Variants in LRP6 observed in about 807,000 individuals in gnomAD.
LRP6 encodes low-density lipoprotein receptor-related protein 6.
A neutral mutation model predicts 184.1 loss-of-function variants in LRP6; 43 were observed. The ratio of observed to expected loss-of-function variants is 0.23; its 90% CI spans 0.18 to 0.30. LRP6 has a LOEUF of 0.30. LRP6 is among the 10% of genes least tolerant of loss of function. The pLI is 1.00. For synonymous variants in LRP6, 719 were observed against 684.9 expected, an observed-to-expected ratio of 1.05 and a Z score of -0.78; for missense variants, 1,571 against 2,005.3, an observed-to-expected ratio of 0.78 and a Z score of 4.14.
At chr12:12,151,115 T>C in intron 12 of LRP6, 77 bp from the exon 13 acceptor site, 2 of 1,236,178 alleles carry the variant, frequency 1.6e-6, no homozygotes, top group Middle Eastern at 2.2e-4. Context: ...GATCAGCCTG[T>C]TGTATGTATT....
chr12:12,250,875 GC>G (rs1290396899), intron 1 of LRP6, among the ~76,000 whole-genome samples: 4 of 151,700 alleles, frequency 2.6e-5, no homozygotes, highest in Non-Finnish European at 5.9e-5. Flanking sequence ...ACCCACCTCA[GC>G]CTCCCAATGT....
chr12:12,140,983 T>C (rs1949926264), intron 15 of LRP6, among the ~76,000 whole-genome samples: 1 of 152,242 alleles, frequency 6.6e-6, no homozygotes, highest in Non-Finnish European at 1.5e-5. Context: ...TGCTAAATTT[T>C]ATTTATTCCA....
intron 2 of LRP6, among the ~76,000 whole-genome samples, chr12:12,230,587 A>C (rs1864758099): frequency 6.6e-6 from 1 of 152,184 alleles, no homozygotes; most frequent in East Asian, 1.9e-4. Context: ...TCCTATCCAT[A>C]ATTAAAATAA....
At position 12,226,797 on chromosome 12, in the gene LRP6, C is replaced by T. The variant is rs1005546237; in HGVS notation, c.449+17465G>A. 2.6e-5 allele frequency: 4 copies of T among 151,956 alleles called. No homozygotes were observed. In the South Asian group the frequency reaches 8.3e-4, roughly 31 times the overall value. 9.4% of individuals were successfully genotyped at this position (151,956 alleles called of 1,614,324 possible). A position where few individuals can be genotyped will look rare whatever the true frequency, so the allele number is the denominator to read the frequency against. On this transcript the variant is annotated intron_variant, in intron 2 of 22. Transcript: ENST00000261349. ...TTTTTATAATATATATTTTTAAAAA[C>T]AATAAGAACTGTGGGACAATTATTA... is the stretch of plus-strand genomic sequence containing the variant.
At chr12:12,145,533 TC>T (rs1268510711) in intron 15 of LRP6, among the ~76,000 whole-genome samples, 91 of 53,768 alleles carry the variant, frequency 1.7e-3, no homozygotes, top group African/African-American at 6.4e-3. Context: ...CCTCCCTCCC[TC>T]CCCCTTCTCT....
At chr12:12,155,402 T>C (rs1439050219) in intron 12 of LRP6, 4 of 823,540 alleles carry the variant, frequency 4.9e-6, no homozygotes, top group Non-Finnish European at 8.5e-6. Flanking sequence ...GAATGGGTAC[T>C]GTTCAAAAGG....
intron 1 of LRP6, among the ~76,000 whole-genome samples, chr12:12,262,932 C>G (rs985092933): frequency 1.3e-5 from 2 of 152,018 alleles, no homozygotes; most frequent in Non-Finnish European, 2.9e-5. Flanking sequence ...GAGGCTCAAA[C>G]GACCAAGATC....
chr12:12,121,106 C>CA lies in LRP6; in HGVS notation c.*19dup. ...TTTACATTTTTACGTTGGAGGCAGT[C>CA]AGAGGAGGAGGGCCCCTCCTCAGGA... On this transcript the variant is annotated 3_prime_UTR_variant, in exon 23 of 23. Transcript: ENST00000261349. 1 of 1,572,298 alleles carries CA rather than the reference C, an allele frequency of 6.4e-7. No homozygotes were observed. The highest frequency in any genetic ancestry group is 8.6e-7 in the Non-Finnish European group (1 of 1,158,608).
intron 19 of LRP6, among the ~76,000 whole-genome samples, chr12:12,129,416 C>T (rs974570292): frequency 6.6e-6 from 1 of 152,192 alleles, no homozygotes; most frequent in Non-Finnish European, 1.5e-5. Flanking sequence ...TGTATTTTGG[C>T]AGTCCCATTA....
intron 18 of LRP6, among the ~76,000 whole-genome samples, chr12:12,131,618 T>C (rs944668426): frequency 1.3e-5 from 2 of 152,308 alleles, no homozygotes; most frequent in African/African-American, 4.8e-5. Context: ...TTTCTCAATT[T>C]TCAAAGCTTA....
chr12:12,143,056 T>C (rs1201846534), intron 15 of LRP6, among the ~76,000 whole-genome samples: 2 of 152,194 alleles, frequency 1.3e-5, no homozygotes, highest in Non-Finnish European at 2.9e-5. Context: ...ATACTTAGCA[T>C]GGTCCTGTGG....
chr12:12,190,007 G>A (rs1863570390), intron 3 of LRP6, among the ~76,000 whole-genome samples: 1 of 152,096 alleles, frequency 6.6e-6, no homozygotes, highest in East Asian at 1.9e-4. Flanking sequence ...CCACACAATG[G>A]TAAGGTGTAC....
In LRP6 at chr12:12,179,405, G is replaced by GATATAGAT. The variant is rs1555112375; in HGVS notation, c.1545+397_1545+404dup. 1.6e-3 allele frequency among the ~76,000 whole-genome samples: 228 copies of GATATAGAT among 140,978 alleles called. 1 individual carries two copies. Among genetic ancestry groups the GATATAGAT allele is most frequent in the African/African-American group, 5.5e-3 (215 of 39,080 alleles). The allele number at this position is 140,978 out of a possible 152,430, so 92.5% of individuals were successfully genotyped here. A position where few individuals can be genotyped will look rare whatever the true frequency, so the allele number is the denominator to read the frequency against. On this transcript the variant is annotated intron_variant, in intron 7 of 22. Coordinates refer to ENST00000261349, the MANE Select transcript of LRP6 (RefSeq NM_002336.3). ...AGATATAGATATAGATATAGATATA[G>GATATAGAT]ATATAGATATAGATATACACATACA...
At chr12:12,165,840 C>T (rs1231738394) in intron 7 of LRP6, among the ~76,000 whole-genome samples, 2 of 152,034 alleles carry the variant, frequency 1.3e-5, no homozygotes, top group African/African-American at 4.8e-5. Context: ...TAAAAGGGAT[C>T]TCAATAAATC....
At chr12:12,157,642 A>AT (rs1862624592) in intron 12 of LRP6, among the ~76,000 whole-genome samples, 1 of 152,084 alleles carries the variant, frequency 6.6e-6, no homozygotes, top group Non-Finnish European at 1.5e-5. Context: ...AACAGACCAA[A>AT]TTTTTCCTAT....
chr12:12,241,019 A>G (rs1865051600), intron 2 of LRP6, among the ~76,000 whole-genome samples: 1 of 152,234 alleles, frequency 6.6e-6, no homozygotes, highest in Non-Finnish European at 1.5e-5. Flanking sequence ...TAGAGGCCAA[A>G]TTTAGAGAGA....
intron 2 of LRP6, among the ~76,000 whole-genome samples, chr12:12,213,056 G>A (rs1481016629): frequency 1.3e-5 from 2 of 152,194 alleles, no homozygotes; most frequent in East Asian, 1.9e-4. Flanking sequence ...GGAAGAAACT[G>A]GTTTCATCAT....
chr12:12,224,981 G>A (rs1216990952), intron 2 of LRP6, among the ~76,000 whole-genome samples: 5 of 152,194 alleles, frequency 3.3e-5, no homozygotes, highest in Non-Finnish European at 5.9e-5. Context: ...CAGGCAGGCG[G>A]ATCACCTGAG....
At chr12:12,263,946 TG>T (rs1274522934) in intron 1 of LRP6, among the ~76,000 whole-genome samples, 5 of 152,092 alleles carry the variant, frequency 3.3e-5, no homozygotes, top group Non-Finnish European at 5.9e-5. Context: ...GAGACCAGCC[TG>T]GGCAACATAT....
Sources: allele counts gnomAD v4.1 joint callset (sites outside exome capture counted in the v4.1 genomes callset), GRCh38; gene constraint gnomAD v4.1.1; transcripts MANE v1.5; gene names NCBI Gene and HGNC (gene_info 2026-07-23, HGNC 2026-07-21).